The following KCNH8 variants were observed in gnomAD, a reference collection of about 807,000 sequenced individuals.
KCNH8 encodes the protein potassium voltage-gated channel subfamily H member 8.
KCNH8 carries 70 observed loss-of-function variants against 103.6 expected under a neutral mutation model. The ratio of observed to expected loss-of-function variants is 0.68; its 90% CI spans 0.56 to 0.82. The LOEUF (loss-of-function observed/expected upper bound fraction) is 0.82, where lower values mean the gene tolerates loss of function less well. KCNH8 is among the 40% of genes least tolerant of loss of function. The pLI is 0.00. For missense variants in KCNH8, 1,217 were observed against 1,329.9 expected (o/e 0.92, Z 1.32); for synonymous variants, 498 against 489.4 (o/e 1.02, Z -0.23).
chr3:19,410,009 T>C (rs2066752759), intron 7 of KCNH8, among the ~76,000 whole-genome samples: 1 of 152,112 alleles, frequency 6.6e-6, no homozygotes, highest in Non-Finnish European at 1.5e-5. Flanking sequence ...AACTCAGCAC[T>C]TGACCGACTG....
intron 1 of KCNH8, among the ~76,000 whole-genome samples, chr3:19,180,670 T>A (rs2063443097): frequency 6.6e-6 from 1 of 152,134 alleles, no homozygotes; most frequent in African/African-American, 2.4e-5. Context: ...AGTACAAAGT[T>A]GTATGGTTTT....
At position 19,533,097 on chromosome 3, in the gene KCNH8, G is replaced by A. The variant is rs188220987; in HGVS notation, c.2620-298G>A. On this transcript the variant is annotated intron_variant, in intron 15 of 15. Transcript: ENST00000328405. ...TGGGCGCCTGTAGTCCCAGCTACTC[G>A]GTAGGCTGAGGCAGGAGCATGGCGT... 2.0e-3 allele frequency among the ~76,000 whole-genome samples: 304 copies of A among 151,748 alleles called. 1 individual carries two copies. The highest frequency in any genetic ancestry group is 6.5e-3 in the African/African-American group (270 of 41,360).
intron 3 of KCNH8, among the ~76,000 whole-genome samples, chr3:19,285,426 T>C (rs2064817383): frequency 6.6e-6 from 1 of 152,150 alleles, no homozygotes; most frequent in Non-Finnish European, 1.5e-5. Flanking sequence ...AATGAGGTAC[T>C]CATACATATC....
intron 3 of KCNH8, among the ~76,000 whole-genome samples, chr3:19,322,613 C>G (rs1195568901): frequency 1.3e-5 from 2 of 152,172 alleles, no homozygotes; most frequent in African/African-American, 4.8e-5. Context: ...TTTTACCTCA[C>G]AGCTCTTAAG....
At chr3:19,223,733 C>A (rs544656149) in intron 1 of KCNH8, among the ~76,000 whole-genome samples, 1 of 152,238 alleles carries the variant, frequency 6.6e-6, no homozygotes, top group South Asian at 2.1e-4. Flanking sequence ...CCATTTGAGA[C>A]TGCAAAACCT....
intron 11 of KCNH8, among the ~76,000 whole-genome samples, chr3:19,493,211 GT>G (rs1329550692): frequency 1.3e-5 from 2 of 151,966 alleles, no homozygotes; most frequent in African/African-American, 4.8e-5. Flanking sequence ...GATGCCTTTT[GT>G]TTCTTTCTCT....
rs1358232860 is a variant in KCNH8, at chr3:19,178,598, G to C, written c.76+29803G>C. 2.6e-5 allele frequency among the ~76,000 whole-genome samples: 4 copies of C among 152,264 alleles called. No individual in the cohort carries two copies. The East Asian group carries it at 7.7e-4, about 29-fold the overall frequency. ...AGGGGAATAGAGAAAGGAGAATTTA[G>C]ACTGAGATTTGAATTCTGAGTAGAA... On this transcript the variant is annotated intron_variant, in intron 1 of 15. Coordinates refer to ENST00000328405, the MANE Select transcript of KCNH8 (RefSeq NM_144633.3).
chr3:19,372,237 C>T (rs1463947949), intron 5 of KCNH8, among the ~76,000 whole-genome samples: 24 of 150,166 alleles, frequency 1.6e-4, no homozygotes, highest in South Asian at 4.2e-4. Flanking sequence ...ATTCTTCCTA[C>T]CCATGAGCAT....
rs1574968748 is a variant in KCNH8 at position 19,362,280 on chromosome 3, T to C, written c.811+14315T>C. 2.6e-5 allele frequency among the ~76,000 whole-genome samples: 4 copies of C among 152,218 alleles called. No individual in the cohort carries two copies. In the East Asian group the frequency reaches 7.7e-4, roughly 29 times the overall value. On this transcript the variant is annotated intron_variant, in intron 5 of 15. Coordinates refer to ENST00000328405, the MANE Select transcript of KCNH8 (RefSeq NM_144633.3). ...AAGCTGTTAGGCCCCAAAGCTTAAA[T>C]AGCTTTTTTAAAAATGTGTTAAACA...
chr3:19,219,805 A>T (rs1168981488), intron 1 of KCNH8, among the ~76,000 whole-genome samples: 2 of 152,186 alleles, frequency 1.3e-5, no homozygotes, highest in Non-Finnish European at 2.9e-5. Flanking sequence ...ATCACTTAGC[A>T]TGCGGAGAAG....
At chr3:19,319,472 TGTAA>T (rs1228575090) in intron 3 of KCNH8, among the ~76,000 whole-genome samples, 2 of 152,070 alleles carry the variant, frequency 1.3e-5, no homozygotes, top group African/African-American at 2.4e-5. Context: ...ATCAGTTGGC[TGTAA>T]GTATTTGGGT....
chr3:19,178,762 G>A (rs957655001), intron 1 of KCNH8, among the ~76,000 whole-genome samples: 1 of 152,144 alleles, frequency 6.6e-6, no homozygotes, highest in Non-Finnish European at 1.5e-5. Context: ...TGCATGTCAA[G>A]TAATATGGTT....
chr3:19,400,771 C>T (rs537547764), intron 7 of KCNH8, among the ~76,000 whole-genome samples: 7 of 151,826 alleles, frequency 4.6e-5, no homozygotes, highest in African/African-American at 1.7e-4. Context: ...TTGAACGGCT[C>T]TCTAGTTATT....
chr3:19,469,875 A>T (rs2067819794), intron 11 of KCNH8, among the ~76,000 whole-genome samples: 1 of 152,040 alleles, frequency 6.6e-6, no homozygotes, highest in Admixed American at 6.6e-5. Flanking sequence ...TCCCTTTATT[A>T]TTATCCACCT....
chr3:19,492,261 A>G (rs2068338955), intron 11 of KCNH8, among the ~76,000 whole-genome samples: 1 of 152,164 alleles, frequency 6.6e-6, no homozygotes. Context: ...CACTAATGTC[A>G]AGAAGAGTAC....
At chr3:19,196,266 A>G (rs909560203) in intron 1 of KCNH8, among the ~76,000 whole-genome samples, 1 of 151,966 alleles carries the variant, frequency 6.6e-6, no homozygotes, top group African/African-American at 2.4e-5. Context: ...CTTTTTCTGA[A>G]TCTTCTAGTT....
At chr3:19,171,360 C>T (rs1307780244) in intron 1 of KCNH8, among the ~76,000 whole-genome samples, 1 of 152,104 alleles carries the variant, frequency 6.6e-6, no homozygotes, top group Non-Finnish European at 1.5e-5. Flanking sequence ...GAGAATACAG[C>T]TTATATTTTT....
chr3:19,227,225 G>A (rs1343810591), intron 1 of KCNH8, among the ~76,000 whole-genome samples: 1 of 152,148 alleles, frequency 6.6e-6, no homozygotes, highest in African/African-American at 2.4e-5. Context: ...CAACTCTGTT[G>A]TCCTTAATCC....
intron 1 of KCNH8, among the ~76,000 whole-genome samples, chr3:19,238,987 A>G (rs1382249300): frequency 2.7e-5 from 4 of 149,676 alleles, no homozygotes; most frequent in Admixed American, 2.6e-4. Context: ...AGAATACAGG[A>G]CTAACTAAGT....
Sources: allele counts gnomAD v4.1 joint callset (sites outside exome capture counted in the v4.1 genomes callset), GRCh38; gene constraint gnomAD v4.1.1; transcripts MANE v1.5; gene names NCBI Gene and HGNC (gene_info 2026-07-23, HGNC 2026-07-21).